PLD1: variants seen among roughly 807,000 people sequenced by gnomAD.
The protein encoded by PLD1 is choline phosphatase 1.
Under a neutral mutation model 137.1 loss-of-function variants are expected in PLD1, and 112 were observed. The ratio of observed to expected loss-of-function variants is 0.82; its 90% CI spans 0.70 to 0.96. The LOEUF (loss-of-function observed/expected upper bound fraction) is 0.96, where lower values mean the gene tolerates loss of function less well. PLD1 is among the 40% of genes least tolerant of loss of function. PLD1 has a pLI of 0.00. For missense variants in PLD1, 1,321 were observed against 1,342.0 expected (o/e 0.98, Z 0.24); for synonymous variants, 431 against 454.7 (o/e 0.95, Z 0.66).
chr3:171,699,762 T>C lies in PLD1; in HGVS notation c.1210A>G (p.Ile404Val), dbSNP rs768106097. 121 of 1,612,710 alleles carry C rather than the reference T, an allele frequency of 7.5e-5. No homozygotes were observed. Among genetic ancestry groups the C allele is most frequent in the Non-Finnish European group, 1.0e-4 (118 of 1,178,720 alleles). Reference sequence around the variant, plus strand: ...GTACATACTGCTTTTCGTTTAAGAATGCAGTCCAACCTCCAACGATTTCCC... The same window carrying C: ...GTACATACTGCTTTTCGTTTAAGAACGCAGTCCAACCTCCAACGATTTCCC... ...VEGNRWRLDC[I>V]LKRKAQQGVR... The change falls in exon 12 of 27, where the codon ATT becomes GTT. Residue 404 changes from isoleucine (I) to valine (V), a missense_variant. Ile to Val is a conservative substitution (Grantham distance 29). Transcript: ENST00000351298.
Position 171,627,626 on chromosome 3 carries a change from C to A in PLD1, c.2594-7106G>T, listed in dbSNP as rs543827958. 3.3e-5 allele frequency among the ~76,000 whole-genome samples: 5 copies of A among 152,198 alleles called. No homozygotes were observed. In the East Asian group the frequency reaches 9.6e-4, roughly 29 times the overall value. ...TAGTTGGAAGTAAAGCTCTCCTCAG[C>A]AAATGTAAAAGATAAGAAATTATAA... On this transcript the variant is annotated intron_variant, in intron 23 of 26. Coordinates refer to ENST00000351298, the MANE Select transcript of PLD1 (RefSeq NM_002662.5).
intron 8 of PLD1, among the ~76,000 whole-genome samples, chr3:171,724,468 C>A (rs371908233): frequency 6.6e-6 from 1 of 152,080 alleles, no homozygotes; most frequent in South Asian, 2.1e-4. Flanking sequence ...CCAATTTGTG[C>A]GTTCTTTGTC....
In PLD1 at chr3:171,676,787, A is replaced by C. The variant is rs768225610; in HGVS notation, c.2043T>G (p.Ile681Met). The change falls in exon 18 of 27, where the codon ATT becomes ATG. Residue 681 changes from isoleucine (I) to methionine (M), a missense_variant. Coordinates refer to ENST00000351298, the MANE Select transcript of PLD1 (RefSeq NM_002662.5). ...CCGCCTTCCCGTGGACTGCAGAGGC[A>C]ATGTCATGCCAGGGCATCCGGGGCG... Reference protein sequence around the residue: ...YSTPRMPWHDIASAVHGKAAR... With the variant: ...YSTPRMPWHDMASAVHGKAAR... 3 of 1,614,090 alleles carry C rather than the reference A, an allele frequency of 1.9e-6. No homozygotes were observed. The South Asian group carries it at 3.3e-5, about 18-fold the overall frequency.
At chr3:171,614,796 G>C (rs557043635) in intron 24 of PLD1, among the ~76,000 whole-genome samples, 110 of 152,334 alleles carry the variant, frequency 7.2e-4, no homozygotes, top group Non-Finnish European at 1.3e-3. Context: ...AGGAGAACCT[G>C]GGATGTGAGC....
chr3:171,704,895 G>A (rs1293028688), intron 11 of PLD1, among the ~76,000 whole-genome samples: 2 of 152,184 alleles, frequency 1.3e-5, no homozygotes, highest in African/African-American at 4.8e-5. Flanking sequence ...TAGGCCAGCA[G>A]GCACCAGTTA....
intron 5 of PLD1, among the ~76,000 whole-genome samples, chr3:171,734,262 A>G (rs1168939465): frequency 3.3e-5 from 5 of 152,234 alleles, no homozygotes; most frequent in Non-Finnish European, 7.3e-5. Flanking sequence ...GAACATAAAC[A>G]TTTCAGATTA....
intron 19 of PLD1, among the ~76,000 whole-genome samples, chr3:171,668,367 C>G (rs1712379180): frequency 6.6e-6 from 1 of 152,170 alleles, no homozygotes; most frequent in Non-Finnish European, 1.5e-5. Context: ...TATTTTTCAC[C>G]TATCTACTTT....
chr3:171,743,502 T>C (rs895314933), intron 1 of PLD1, among the ~76,000 whole-genome samples: 1 of 152,196 alleles, frequency 6.6e-6, no homozygotes, highest in Non-Finnish European at 1.5e-5. Flanking sequence ...CCTGCATGTC[T>C]TCCTGGCCTC....
At chr3:171,663,670 T>A (rs1711768696) in intron 19 of PLD1, among the ~76,000 whole-genome samples, 1 of 152,198 alleles carries the variant, frequency 6.6e-6, no homozygotes, top group African/African-American at 2.4e-5. Context: ...GTCATCACTT[T>A]TTTCCAACAT....
intron 19 of PLD1, among the ~76,000 whole-genome samples, chr3:171,671,220 T>C (rs930524041): frequency 6.6e-6 from 1 of 152,206 alleles, no homozygotes; most frequent in African/African-American, 2.4e-5. Context: ...GCGACACTTT[T>C]ATATACCCAT....
At chr3:171,705,740 A>G (rs770086484) in intron 11 of PLD1, among the ~76,000 whole-genome samples, 12 of 152,200 alleles carry the variant, frequency 7.9e-5, no homozygotes, top group Admixed American at 2.0e-4. Flanking sequence ...ACTCTCATAC[A>G]TTGCTGGTGA....
At chr3:171,652,988 A>G (rs986363631) in intron 21 of PLD1, among the ~76,000 whole-genome samples, 6 of 152,216 alleles carry the variant, frequency 3.9e-5, no homozygotes, top group Middle Eastern at 3.4e-3. Flanking sequence ...GAAAATTTCT[A>G]CATCCCTTGA....
intron 8 of PLD1, among the ~76,000 whole-genome samples, chr3:171,714,941 G>A (rs1334238419): frequency 6.6e-6 from 1 of 152,024 alleles, no homozygotes; most frequent in Admixed American, 6.5e-5. Context: ...CACTCATGTG[G>A]GTGTAAGCTT....
intron 1 of PLD1, among the ~76,000 whole-genome samples, chr3:171,808,364 G>A (rs961341129): frequency 2.0e-5 from 3 of 152,020 alleles, no homozygotes; most frequent in Non-Finnish European, 4.4e-5. Flanking sequence ...GTGAAACCCC[G>A]TCTCTACTAA....
At chr3:171,711,031 G>A (rs1287580608) in intron 9 of PLD1, among the ~76,000 whole-genome samples, 3 of 151,006 alleles carry the variant, frequency 2.0e-5, no homozygotes, top group East Asian at 2.0e-4. Flanking sequence ...GCACCTCCAC[G>A]CCCGGCTAAT....
chr3:171,714,095 C>G (rs367962718), intron 8 of PLD1, 50 bp from the exon 9 acceptor site: 1 of 1,126,348 alleles, frequency 8.9e-7, no homozygotes, highest in Admixed American at 1.8e-5. Flanking sequence ...GTAAATAAAA[C>G]GAGAAGAACT....
intron 16 of PLD1, among the ~76,000 whole-genome samples, chr3:171,681,269 G>C (rs1039709055): frequency 6.6e-6 from 1 of 152,172 alleles, no homozygotes; most frequent in Non-Finnish European, 1.5e-5. Context: ...TACATTCCAG[G>C]TATTTCCTGG....
Position 171,636,414 on chromosome 3 carries a change from GTATT to G in PLD1, c.2593+6422_2593+6425del, listed in dbSNP as rs567704608. Among the ~76,000 whole-genome samples, 406 of 152,000 alleles carry G rather than the reference GTATT, an allele frequency of 2.7e-3. 2 individuals are homozygous for G. Among genetic ancestry groups the G allele is most frequent in the African/African-American group, 8.6e-3 (357 of 41,484 alleles). On this transcript the variant is annotated intron_variant, in intron 23 of 26. Coordinates refer to ENST00000351298, the MANE Select transcript of PLD1 (RefSeq NM_002662.5). ...AAGTCTTTCAATCCATTAACACAGA[GTATT>G]TATTTATTTATATCTTCCTTAATCT...
intron 1 of PLD1, among the ~76,000 whole-genome samples, chr3:171,771,881 C>T (rs1426187511): frequency 1.3e-5 from 2 of 152,222 alleles, no homozygotes; most frequent in Non-Finnish European, 2.9e-5. Context: ...AACCTTCTAA[C>T]TTCTGATTCT....
Sources: gnomAD v4.1 joint callset for allele counts (sites outside exome capture counted in the v4.1 genomes callset) on GRCh38, gnomAD v4.1.1 for gene constraint, MANE v1.5 for transcripts, NCBI Gene and HGNC (gene_info 2026-07-23, HGNC 2026-07-21) for gene names.